TRMT61B: variants seen among roughly 807,000 people sequenced by gnomAD.
TRMT61B encodes tRNA methyltransferase 61B, also known as tRNA (adenine(58)-N(1))-methyltransferase, mitochondrial.
A neutral mutation model predicts 52.0 loss-of-function variants in TRMT61B; 56 were observed. That is an observed-to-expected ratio of 1.08 (90% CI 0.87 to 1.35). The LOEUF is 1.35. Among genes scored for constraint, TRMT61B ranks in the 40% most tolerant of loss-of-function variants. TRMT61B has a pLI of 0.00. For synonymous variants in TRMT61B, 206 were observed against 220.0 expected (o/e 0.94, Z 0.56); for missense variants, 650 against 577.9 (o/e 1.12, Z -1.28).
intron 3 of TRMT61B, among the ~76,000 whole-genome samples, chr2:28,857,068 G>C (rs1270782760): frequency 6.6e-6 from 1 of 151,746 alleles, no homozygotes. Context: ...CAAGTAGCTG[G>C]GATTACTGGC....
chr2:28,868,205 C>T (rs1044404010), intron 1 of TRMT61B, among the ~76,000 whole-genome samples: 5 of 152,140 alleles, frequency 3.3e-5, no homozygotes, highest in African/African-American at 1.2e-4. Flanking sequence ...TCAAACCACA[C>T]CTCATACGGG....
At chr2:28,858,794 CAAAAAAAA>C (rs1033258916) in intron 3 of TRMT61B, among the ~76,000 whole-genome samples, 16 of 23,594 alleles carry the variant, frequency 6.8e-4, no homozygotes, top group Middle Eastern at 0.028. Flanking sequence ...GACTCCGTCT[CAAAAAAAA>C]AAAAAAAAAA....
intron 1 of TRMT61B, among the ~76,000 whole-genome samples, chr2:28,868,033 C>A (rs1345970355): frequency 1.3e-5 from 2 of 152,146 alleles, no homozygotes; most frequent in African/African-American, 4.8e-5. Flanking sequence ...GCCTGGGTGA[C>A]ATAGCAAGAC....
rs1208307313 is a variant in TRMT61B, at chr2:28,849,905, C to T, written c.*294G>A. The T allele has an allele frequency of 1.3e-6, 2 of 1,593,904 alleles. No individual in the cohort carries two copies. Among genetic ancestry groups the T allele is most frequent in the Non-Finnish European group, 1.7e-6 (2 of 1,174,300 alleles). The stretch of plus-strand genomic sequence containing the variant: ...AGAAAACTAATTTCTTGAAGAAAGA[C>T]AAATCTATGGAGTGGTTTACAGGAA... On this transcript the variant is annotated 3_prime_UTR_variant, in exon 7 of 7. Transcript: ENST00000306108.
chr2:28,867,787 G>A (rs1051189322), intron 1 of TRMT61B, among the ~76,000 whole-genome samples: 7 of 152,150 alleles, frequency 4.6e-5, no homozygotes, highest in Non-Finnish European at 7.4e-5. Flanking sequence ...GGCCAGGAGC[G>A]GTCGTTCTCA....
intron 3 of TRMT61B, among the ~76,000 whole-genome samples, chr2:28,859,141 G>C (rs907822392): frequency 1.3e-5 from 2 of 151,768 alleles, no homozygotes; most frequent in African/African-American, 4.8e-5. Flanking sequence ...GTGCAGTGGC[G>C]CGATCTCGGC....
Position 28,869,655 on chromosome 2 carries a change from T to C in TRMT61B, c.623A>G (p.Gln208Arg). 1 of 1,614,196 alleles carries C rather than the reference T, an allele frequency of 6.2e-7. No homozygotes were observed. The highest frequency in any genetic ancestry group is 8.5e-7 in the Non-Finnish European group (1 of 1,180,026). Residue 208 changes from glutamine to arginine, a missense_variant, in exon 1 of 7, where the codon CAG becomes CGG. Coordinates refer to ENST00000306108, the MANE Select transcript of TRMT61B (RefSeq NM_017910.4). ...CAAGGCTGGCCTCCTCAGCATGTAC[T>C]GCTTACCGAAGGAACTCCTCAGTAT... ...GQILRSSFGK[Q>R]YMLRRPALED...
intron 3 of TRMT61B, among the ~76,000 whole-genome samples, chr2:28,859,225 A>G (rs1002981484): frequency 1.3e-5 from 2 of 151,952 alleles, no homozygotes; most frequent in Non-Finnish European, 2.9e-5. Flanking sequence ...GACCACAGGC[A>G]CCCGCCACCA....
rs370208876 is a variant in TRMT61B at position 28,857,137 on chromosome 2, T to C, written c.993+3981A>G. Among the ~76,000 whole-genome samples, 50 of 152,240 alleles carry C rather than the reference T, an allele frequency of 3.3e-4. No individual in the cohort carries two copies. The South Asian group carries it at 9.1e-3, about 28-fold the overall frequency. ...TTAGTAGAGACAGAGTTTCACCATG[T>C]TAGCCAGGTTGGTCTCAAACTCCTG... On this transcript the variant is annotated intron_variant, in intron 3 of 6. Coordinates refer to ENST00000306108, the MANE Select transcript of TRMT61B (RefSeq NM_017910.4).
chr2:28,858,371 T>A (rs1451326297), intron 3 of TRMT61B, among the ~76,000 whole-genome samples: 1 of 151,388 alleles, frequency 6.6e-6, no homozygotes, highest in African/African-American at 2.4e-5. Context: ...CTTTTTTCTA[T>A]TTTTTTTAAT....
intron 2 of TRMT61B, among the ~76,000 whole-genome samples, chr2:28,862,561 G>A (rs547617916): frequency 2.6e-5 from 4 of 151,446 alleles, no homozygotes; most frequent in Non-Finnish European, 5.9e-5. Context: ...TCAAACTCGT[G>A]AGCTCAAGCA....
chr2:28,850,117 T>C lies in TRMT61B; in HGVS notation c.*82A>G, dbSNP rs1476033614. ...TCATAGTAATAGCTAAAAATGCCAA[T>C]CTATGGAAGCAGTGATTTTCAATAT... On this transcript the variant is annotated 3_prime_UTR_variant, in exon 7 of 7. Transcript: ENST00000306108. The C allele has an allele frequency of 8.8e-6, 12 of 1,360,006 alleles. No homozygotes were observed. The highest frequency in any genetic ancestry group is 1.2e-5 in the Non-Finnish European group (12 of 970,878). The allele number at this position is 1,360,006 out of a possible 1,614,324, so 84.2% of individuals were successfully genotyped here. A position where few individuals can be genotyped will look rare whatever the true frequency, so the allele number is the denominator to read the frequency against.
At chr2:28,853,400 T>TC (rs1370403124) in intron 3 of TRMT61B, among the ~76,000 whole-genome samples, 15 of 152,114 alleles carry the variant, frequency 9.9e-5, no homozygotes, top group Non-Finnish European at 1.3e-4. Flanking sequence ...GGTCTTGAAC[T>TC]CCTGGATTCA....
chr2:28,856,142 A>G (rs1253603186), intron 3 of TRMT61B, among the ~76,000 whole-genome samples: 2 of 152,204 alleles, frequency 1.3e-5, no homozygotes, highest in African/African-American at 4.8e-5. Context: ...CTCAGTTAAC[A>G]GCATTTATCC....
At chr2:28,851,046 A>G in intron 5 of TRMT61B, 26 bp downstream of exon 5, 1 of 1,472,038 alleles carries the variant, frequency 6.8e-7, no homozygotes, top group Non-Finnish European at 9.3e-7. Context: ...TCATTACTGC[A>G]TGCATAAAGT....
Position 28,870,044 on chromosome 2 carries a change from C to G in TRMT61B, c.234G>C (p.Gly78=). ...TTTCCAGTGACGAAAGACATCCAGT[C>G]CCAATGTCCGAGATGCTCAGAGGGA... ...PSLPLSISDI[G]TGCLSSLENL... The change falls in exon 1 of 7, where the codon GGG becomes GGC. Residue 78 remains glycine (G), a synonymous_variant. Transcript: ENST00000306108. 6.2e-7 allele frequency: 1 copy of G among 1,613,766 alleles called. No individual in the cohort carries two copies. The highest frequency in any genetic ancestry group is 1.1e-5 in the South Asian group (1 of 91,056).
rs770714110 is a variant in TRMT61B at position 28,849,949 on chromosome 2, C to G, written c.*250G>C. 1.9e-6 allele frequency: 3 copies of G among 1,556,010 alleles called. No individual in the cohort carries two copies. The Admixed American group carries it at 6.1e-5, about 32-fold the overall frequency. ...ACAGGAAGTGAAGAATGAGATGGCC[C>G]AACTAAACCAATTTGGAATCATTAA... On this transcript the variant is annotated 3_prime_UTR_variant, in exon 7 of 7. Coordinates refer to ENST00000306108, the MANE Select transcript of TRMT61B (RefSeq NM_017910.4).
At chr2:28,851,722 T>C (rs1377800940) in intron 4 of TRMT61B, among the ~76,000 whole-genome samples, 2 of 149,318 alleles carry the variant, frequency 1.3e-5, no homozygotes, top group East Asian at 4.1e-4. Flanking sequence ...TCCACTAAAA[T>C]ACAAAAATTA....
At chr2:28,854,557 C>T (rs1285160113) in intron 3 of TRMT61B, among the ~76,000 whole-genome samples, 8 of 151,912 alleles carry the variant, frequency 5.3e-5, no homozygotes, top group South Asian at 2.1e-4. Flanking sequence ...CTGGCCAACA[C>T]GGCGAAACCC....
Sources: allele counts gnomAD v4.1 joint callset (sites outside exome capture counted in the v4.1 genomes callset), GRCh38; gene constraint gnomAD v4.1.1; transcripts MANE v1.5; gene names NCBI Gene and HGNC (gene_info 2026-07-23, HGNC 2026-07-21).